The following PBX3 variants were observed in gnomAD, a reference collection of about 807,000 sequenced individuals.
PBX3 encodes the protein PBX homeobox 3, also known as pre-B-cell leukemia transcription factor 3.
A neutral mutation model predicts 48.5 loss-of-function variants in PBX3; 14 were observed. That is an observed-to-expected ratio of 0.29 (90% CI 0.19 to 0.45). The LOEUF (loss-of-function observed/expected upper bound fraction) is 0.45. Ranked by LOEUF, PBX3 falls within the 20% of genes least tolerant of loss-of-function variation. The pLI, the probability that PBX3 is intolerant of heterozygous loss-of-function variation, is 1.00. For synonymous variants in PBX3, 210 were observed against 200.3 expected (o/e 1.05, Z -0.41); for missense variants, 386 against 546.7 (o/e 0.71, Z 2.93).
chr9:125,958,405 G>A (rs1213986170), intron 5 of PBX3, among the ~76,000 whole-genome samples: 1 of 152,238 alleles, frequency 6.6e-6, no homozygotes, highest in African/African-American at 2.4e-5. Flanking sequence ...GCTCAAGGAA[G>A]GGAAGGCCAA....
chr9:125,808,370 T>G (rs1838188954), intron 2 of PBX3, among the ~76,000 whole-genome samples: 1 of 152,174 alleles, frequency 6.6e-6, no homozygotes, highest in Non-Finnish European at 1.5e-5. Flanking sequence ...TTTATAGCAA[T>G]TATGTTTCAT....
intron 2 of PBX3, among the ~76,000 whole-genome samples, chr9:125,833,386 A>C (rs1839022824): frequency 6.6e-6 from 1 of 152,006 alleles, no homozygotes; most frequent in Admixed American, 6.6e-5. Flanking sequence ...TGGGAGGCTG[A>C]GGCAGGAGGA....
chr9:125,882,288 A>G (rs1314747609), intron 2 of PBX3, among the ~76,000 whole-genome samples: 1 of 152,124 alleles, frequency 6.6e-6, no homozygotes, highest in African/African-American at 2.4e-5. Flanking sequence ...TTCAGCAATG[A>G]AAAAGTTTAG....
chr9:125,947,027 A>G (rs1842079579), intron 5 of PBX3, among the ~76,000 whole-genome samples: 1 of 152,204 alleles, frequency 6.6e-6, no homozygotes. Context: ...ATGGAGTGAT[A>G]TCTTTAAAGT....
chr9:125,832,388 G>A (rs113240616), intron 2 of PBX3, among the ~76,000 whole-genome samples: 1 of 151,942 alleles, frequency 6.6e-6, no homozygotes, highest in South Asian at 2.1e-4. Context: ...GTAGAGATGG[G>A]GTTTCACCAT....
intron 2 of PBX3, among the ~76,000 whole-genome samples, chr9:125,787,065 G>C (rs1837476240): frequency 6.7e-6 from 1 of 149,844 alleles, no homozygotes; most frequent in South Asian, 2.1e-4. Flanking sequence ...TTCGAGACAG[G>C]GTCTTGCTCT....
chr9:125,866,951 G>T (rs1395749686), intron 2 of PBX3, among the ~76,000 whole-genome samples: 1 of 152,038 alleles, frequency 6.6e-6, no homozygotes, highest in Non-Finnish European at 1.5e-5. Context: ...ATAAAGACGT[G>T]ATTTTCATGG....
chr9:125,859,325 A>T (rs1474943964), intron 2 of PBX3, among the ~76,000 whole-genome samples: 1 of 152,188 alleles, frequency 6.6e-6, no homozygotes, highest in East Asian at 1.9e-4. Context: ...GTCAAGGCCC[A>T]TGAAAGTAGG....
intron 2 of PBX3, among the ~76,000 whole-genome samples, chr9:125,804,746 C>T (rs1296565538): frequency 6.6e-6 from 1 of 151,964 alleles, no homozygotes; most frequent in Non-Finnish European, 1.5e-5. Flanking sequence ...CAAGACCAGC[C>T]TGGAGCCTAG....
intron 2 of PBX3, among the ~76,000 whole-genome samples, chr9:125,846,912 AAC>A (rs1839439974): frequency 6.6e-6 from 1 of 150,956 alleles, no homozygotes; most frequent in Non-Finnish European, 1.5e-5. Context: ...TTTTTTTTTT[AAC>A]CCTTTGTACT....
chr9:125,785,259 G>T (rs530971730), intron 2 of PBX3, among the ~76,000 whole-genome samples: 53 of 152,156 alleles, frequency 3.5e-4, no homozygotes, highest in Non-Finnish European at 6.6e-4. Context: ...TGTCTGTGAG[G>T]GTGTTGCCAG....
chr9:125,950,722 T>A (rs1294782387), intron 5 of PBX3, among the ~76,000 whole-genome samples: 1 of 152,168 alleles, frequency 6.6e-6, no homozygotes. Flanking sequence ...CCTCAGGTGA[T>A]CCACCCACTT....
chr9:125,941,680 C>T (rs1841961385), intron 5 of PBX3, among the ~76,000 whole-genome samples: 1 of 152,162 alleles, frequency 6.6e-6, no homozygotes, highest in Admixed American at 6.5e-5. Context: ...AAGGGAGTTC[C>T]TCTTTTACCT....
intron 5 of PBX3, among the ~76,000 whole-genome samples, chr9:125,955,293 G>T (rs1842281274): frequency 6.6e-6 from 1 of 152,048 alleles, no homozygotes; most frequent in Admixed American, 6.5e-5. Flanking sequence ...CTCTTCCTCA[G>T]CCAGAACCCA....
At chr9:125,873,728 A>G (rs1039909654) in intron 2 of PBX3, among the ~76,000 whole-genome samples, 1 of 152,188 alleles carries the variant, frequency 6.6e-6, no homozygotes, top group African/African-American at 2.4e-5. Context: ...TGTTTACATT[A>G]TAAAGATTTT....
intron 2 of PBX3, among the ~76,000 whole-genome samples, chr9:125,764,179 C>T (rs995854591): frequency 6.6e-6 from 1 of 152,182 alleles, no homozygotes; most frequent in Non-Finnish European, 1.5e-5. Context: ...TGCCCCTCCC[C>T]CTGGTTTTTC....
intron 4 of PBX3, 21 bp downstream of exon 4, chr9:125,929,866 A>T (rs745362871): frequency 6.5e-7 from 1 of 1,544,948 alleles, no homozygotes; most frequent in Non-Finnish European, 8.9e-7. Flanking sequence ...CCATAAATCT[A>T]TTGCATGGCT....
At chr9:125,853,920 A>G (rs1342653390) in intron 2 of PBX3, among the ~76,000 whole-genome samples, 1 of 152,166 alleles carries the variant, frequency 6.6e-6, no homozygotes, top group African/African-American at 2.4e-5. Context: ...ATATGAGTTA[A>G]TAAATGGACA....
chr9:125,888,566 T>C (rs1840558319), intron 2 of PBX3, among the ~76,000 whole-genome samples: 1 of 152,018 alleles, frequency 6.6e-6, no homozygotes, highest in African/African-American at 2.4e-5. Context: ...TTCTTTTTTT[T>C]TTTTTGGCCG....
Sources: gnomAD v4.1 joint callset for allele counts (sites outside exome capture counted in the v4.1 genomes callset) on GRCh38, gnomAD v4.1.1 for gene constraint, MANE v1.5 for transcripts, NCBI Gene and HGNC (gene_info 2026-07-23, HGNC 2026-07-21) for gene names.